BRD10: variants seen among roughly 807,000 people sequenced by gnomAD.
BRD10 encodes uncharacterized bromodomain-containing protein 10.
the BRD10 span, among the ~76,000 whole-genome samples, chr9:5,995,032 T>C: frequency 6.6e-6 from 1 of 152,144 alleles, no homozygotes. Flanking sequence ...CCTGAGTAGC[T>C]GGGATTACAG....
At chr9:5,923,112 C>T in the BRD10 span, 1 of 1,613,970 alleles carries the variant, frequency 6.2e-7, no homozygotes, top group Non-Finnish European at 8.5e-7. Flanking sequence ...AGATTCTCAA[C>T]TGTTGTCTCA....
At chr9:6,005,316 G>A in the BRD10 span, among the ~76,000 whole-genome samples, 1 of 152,242 alleles carries the variant, frequency 6.6e-6, no homozygotes, top group South Asian at 2.1e-4. Flanking sequence ...CTTGAGACCA[G>A]CCTGGCCAAC....
the BRD10 span, among the ~76,000 whole-genome samples, chr9:5,879,884 A>C: frequency 6.6e-6 from 1 of 152,138 alleles, no homozygotes; most frequent in African/African-American, 2.4e-5. Context: ...AGTTCTACTG[A>C]ATTATTTTTT....
chr9:5,951,064 ACACACACACACACC>A, the BRD10 span, among the ~76,000 whole-genome samples: 5 of 150,876 alleles, frequency 3.3e-5, no homozygotes, highest in African/African-American at 9.8e-5. Context: ...ACACACACAC[ACACACACACACACC>A]CCCACCCCAC....
chr9:5,900,243 G>C, the BRD10 span, among the ~76,000 whole-genome samples: 1 of 152,106 alleles, frequency 6.6e-6, no homozygotes, highest in Non-Finnish European at 1.5e-5. Flanking sequence ...CATTTTGCTT[G>C]GTAAGTTTCA....
the BRD10 span, among the ~76,000 whole-genome samples, chr9:5,961,008 T>G: frequency 6.6e-6 from 1 of 152,178 alleles, no homozygotes; most frequent in Non-Finnish European, 1.5e-5. Flanking sequence ...TTTGAAAAAG[T>G]GTTGAAAGAT....
chr9:5,995,233 T>C, the BRD10 span, among the ~76,000 whole-genome samples: 2 of 152,200 alleles, frequency 1.3e-5, no homozygotes, highest in African/African-American at 4.8e-5. Flanking sequence ...CTTCATTCCA[T>C]CACTTTCTCG....
At chr9:5,977,272 C>T in the BRD10 span, among the ~76,000 whole-genome samples, 3 of 152,168 alleles carry the variant, frequency 2.0e-5, no homozygotes, top group South Asian at 6.2e-4. Flanking sequence ...GTTCCTCATA[C>T]ACTGTACCTT....
At chr9:5,983,460 A>G in the BRD10 span, among the ~76,000 whole-genome samples, 1 of 151,414 alleles carries the variant, frequency 6.6e-6, no homozygotes, top group Non-Finnish European at 1.5e-5. Context: ...GCAAAAGAAT[A>G]TAACTAGGAG....
chr9:6,007,122 G>T, the BRD10 span: 1 of 1,481,270 alleles, frequency 6.8e-7, no homozygotes, highest in Non-Finnish European at 9.3e-7. Flanking sequence ...CCCTGGCCCA[G>T]CCCATCCTCG....
the BRD10 span, among the ~76,000 whole-genome samples, chr9:5,961,623 T>C: frequency 6.6e-6 from 1 of 152,116 alleles, no homozygotes; most frequent in East Asian, 1.9e-4. Context: ...TTCTTTTCTA[T>C]GATTGAATAA....
chr9:5,958,444 A>C, the BRD10 span, among the ~76,000 whole-genome samples: 1 of 151,634 alleles, frequency 6.6e-6, no homozygotes, highest in Non-Finnish European at 1.5e-5. Context: ...TCCTGTCTTC[A>C]CTCCTCAGAC....
chr9:6,007,400 G>C, the BRD10 span: 5 of 1,609,550 alleles, frequency 3.1e-6, no homozygotes, highest in South Asian at 4.4e-5. Context: ...GGCTGCTGCG[G>C]GAAGGCGCGA....
chr9:5,893,098 G>C, the BRD10 span, among the ~76,000 whole-genome samples: 1 of 152,180 alleles, frequency 6.6e-6, no homozygotes, highest in African/African-American at 2.4e-5. Flanking sequence ...ATATGATTAA[G>C]CATTTCTAAA....
At chr9:5,897,947 G>T in the BRD10 span, 1 of 302,112 alleles carries the variant, frequency 3.3e-6, no homozygotes, top group Middle Eastern at 1.0e-3. Context: ...TGGGAGGCTG[G>T]GAACTCCAAG....
the BRD10 span, among the ~76,000 whole-genome samples, chr9:5,952,745 C>T: frequency 6.6e-6 from 1 of 152,092 alleles, no homozygotes; most frequent in Non-Finnish European, 1.5e-5. Context: ...GCTTTGAGGA[C>T]TGAGAAAAAC....
At chr9:5,897,489 T>C in the BRD10 span, 1 of 1,413,404 alleles carries the variant, frequency 7.1e-7, no homozygotes, top group Admixed American at 1.7e-5. Context: ...GGAAGACTGA[T>C]TTATGCTTCA....
chr9:5,973,734 G>A, the BRD10 span, among the ~76,000 whole-genome samples: 28 of 152,054 alleles, frequency 1.8e-4, no homozygotes, highest in African/African-American at 2.4e-5. Flanking sequence ...TAAAAAAAAC[G>A]GGCCTGGTGT....
At chr9:5,892,402 A>T in the BRD10 span, 1 of 1,357,658 alleles carries the variant, frequency 7.4e-7, no homozygotes, top group South Asian at 1.3e-5. Context: ...GATGATGAAT[A>T]GGGTGGCTTT....
Sources: gnomAD v4.1 joint callset for allele counts (sites outside exome capture counted in the v4.1 genomes callset) on GRCh38, gnomAD v4.1.1 for gene constraint, MANE v1.5 for transcripts, NCBI Gene and HGNC (gene_info 2026-07-23, HGNC 2026-07-21) for gene names.